Variants in ZNF831 observed in about 807,000 individuals in gnomAD.
The protein encoded by ZNF831 is chromosome 20 open reading frame 174.
ZNF831 carries 59 observed loss-of-function variants against 95.8 expected under a neutral mutation model. The observed-to-expected ratio is 0.62, with a 90% CI of 0.50 to 0.77. ZNF831 has a LOEUF of 0.77. ZNF831 is among the 30% of genes least tolerant of loss of function. The pLI, the probability that ZNF831 is intolerant of heterozygous loss-of-function variation, is 0.00. For missense variants in ZNF831, 2,205 were observed against 2,164.0 expected, an observed-to-expected ratio of 1.02 and a Z score of -0.38; for synonymous variants, 961 against 925.5, an observed-to-expected ratio of 1.04 and a Z score of -0.70.
chr20:59,176,788 T>C (rs189624604), intron 1 of ZNF831, among the ~76,000 whole-genome samples: 2 of 152,350 alleles, frequency 1.3e-5, no homozygotes, highest in East Asian at 3.9e-4. Flanking sequence ...CAGCACTGCA[T>C]CTGTTTGCTA....
At chr20:59,187,785 C>A (rs1297748508) in intron 1 of ZNF831, among the ~76,000 whole-genome samples, 1 of 152,174 alleles carries the variant, frequency 6.6e-6, no homozygotes, top group Non-Finnish European at 1.5e-5. Flanking sequence ...AACGTTGTAC[C>A]CAGTTAAAGC....
chr20:59,190,899 G>T, intron 1 of ZNF831, 85 bp from the exon 2 acceptor site: 1 of 1,206,998 alleles, frequency 8.3e-7, no homozygotes, highest in African/African-American at 1.6e-5. Flanking sequence ...GTTGGGTGAT[G>T]AAGTGCTTGG....
At chr20:59,226,855 C>T (rs1256565071) in intron 4 of ZNF831, among the ~76,000 whole-genome samples, 2 of 151,892 alleles carry the variant, frequency 1.3e-5, no homozygotes, top group Admixed American at 1.3e-4. Context: ...ACTTTCATCC[C>T]AGCTCTTTGA....
chr20:59,133,794 C>G (rs1979418959), intron 1 of ZNF831, among the ~76,000 whole-genome samples: 2 of 152,308 alleles, frequency 1.3e-5, no homozygotes, highest in South Asian at 4.1e-4. Context: ...AAGGACGAGC[C>G]CTGGAGCAAG....
chr20:59,182,602 C>T (rs117234149), intron 1 of ZNF831, among the ~76,000 whole-genome samples: 4 of 152,028 alleles, frequency 2.6e-5, no homozygotes, highest in Non-Finnish European at 5.9e-5. Flanking sequence ...CATCTGCAAC[C>T]GATTGACCAT....
At chr20:59,186,075 C>G (rs921585130) in intron 1 of ZNF831, among the ~76,000 whole-genome samples, 1 of 152,200 alleles carries the variant, frequency 6.6e-6, no homozygotes, top group Admixed American at 6.5e-5. Context: ...CAGGCAGTCC[C>G]GATGCAGGCA....
Position 59,214,742 on chromosome 20 carries a change from G to A in ZNF831, c.4027+7686G>A, listed in dbSNP as rs111808020. Among the ~76,000 whole-genome samples, 983 of 152,304 alleles carry A rather than the reference G, an allele frequency of 6.5e-3. 9 individuals carry two copies. The highest frequency in any genetic ancestry group is 0.037 in the Middle Eastern group (11 of 294). ...TGATGCCACCTAAGCAAAAGCTGCCGAAGATTCTCTGTTGTGGTTACACAA... is the reference window on the plus strand; with the variant it reads ...TGATGCCACCTAAGCAAAAGCTGCCAAAGATTCTCTGTTGTGGTTACACAA... On this transcript the variant is annotated intron_variant, in intron 4 of 5. Coordinates refer to ENST00000371030, the MANE Select transcript of ZNF831 (RefSeq NM_178457.3).
At chr20:59,195,441 C>T (rs576392877) in intron 2 of ZNF831, among the ~76,000 whole-genome samples, 6 of 152,310 alleles carry the variant, frequency 3.9e-5, no homozygotes, top group South Asian at 2.1e-4. Flanking sequence ...GACAAAGGCC[C>T]GGAGACCAGA....
At chr20:59,140,726 G>A (rs1440644393) in intron 1 of ZNF831, among the ~76,000 whole-genome samples, 3 of 152,066 alleles carry the variant, frequency 2.0e-5, no homozygotes, top group Non-Finnish European at 2.9e-5. Flanking sequence ...CCAGCATTTG[G>A]TGTTGTCATT....
chr20:59,155,696 G>A (rs1980499336), intron 2 of ZNF831, among the ~76,000 whole-genome samples: 1 of 152,198 alleles, frequency 6.6e-6, no homozygotes, highest in Non-Finnish European at 1.5e-5. Context: ...AAGGGGCACC[G>A]TATTGTGATG....
intron 1 of ZNF831, among the ~76,000 whole-genome samples, chr20:59,184,408 C>T (rs1039918887): frequency 5.9e-5 from 9 of 152,242 alleles, no homozygotes; most frequent in African/African-American, 1.7e-4. Context: ...CCTCCCTCCC[C>T]CCTTTTTTTT....
In ZNF831 at chr20:59,194,519, C is replaced by A. The variant is rs769280406; in HGVS notation, c.3500C>A (p.Pro1167His). ...TCCCGGAGCCACAGCACCCGCAGTC[C>A]CCACAGCACCCAAAACCCCTTTCCC... is the stretch of plus-strand genomic sequence containing the variant. ...GTSRSHSTRS[P>H]HSTQNPFPSL... Residue 1167 changes from proline (P) to histidine (H), a missense_variant, in exon 2 of 6, where the codon CCC becomes CAC. Coordinates refer to ENST00000371030, the MANE Select transcript of ZNF831 (RefSeq NM_178457.3). 6.2e-7 allele frequency: 1 copy of A among 1,607,954 alleles called. No homozygotes were observed. Among genetic ancestry groups the A allele is most frequent in the African/African-American group, 1.3e-5 (1 of 74,872 alleles).
chr20:59,143,736 A>G (rs755082828), intron 1 of ZNF831, among the ~76,000 whole-genome samples: 4 of 152,174 alleles, frequency 2.6e-5, no homozygotes, highest in Non-Finnish European at 4.4e-5. Flanking sequence ...TCTGAACTTT[A>G]ACTTCACTTT....
chr20:59,199,965 A>G (rs1359911881), intron 3 of ZNF831, among the ~76,000 whole-genome samples: 1 of 152,142 alleles, frequency 6.6e-6, no homozygotes. Context: ...TTGTTGAAAA[A>G]TAGTTTGCTG....
upstream of ZNF831, chr20:59,160,117 C>A (rs937439778): frequency 6.6e-6 from 1 of 152,314 alleles, no homozygotes; most frequent in South Asian, 2.1e-4. Context: ...TCCACAGGAA[C>A]GAAAGACAGG....
intron 4 of ZNF831, among the ~76,000 whole-genome samples, chr20:59,247,103 C>T (rs2146741161): frequency 6.6e-6 from 1 of 152,230 alleles, no homozygotes; most frequent in South Asian, 2.1e-4. Flanking sequence ...TTTAGCATAA[C>T]GTCAGGTATG....
chr20:59,129,239 A>C (rs184938072), intron 1 of ZNF831, among the ~76,000 whole-genome samples: 1 of 151,942 alleles, frequency 6.6e-6, no homozygotes, highest in East Asian at 1.9e-4. Flanking sequence ...ATGTGTGTGC[A>C]TGTGCATGTG....
At chr20:59,124,774 A>C (rs1979115906) in intron 1 of ZNF831, among the ~76,000 whole-genome samples, 1 of 152,176 alleles carries the variant, frequency 6.6e-6, no homozygotes, top group Non-Finnish European at 1.5e-5. Flanking sequence ...GTGTGGAATA[A>C]AATGGCTCTT....
chr20:59,247,503 G>A (rs539064027), intron 4 of ZNF831, among the ~76,000 whole-genome samples: 5 of 152,252 alleles, frequency 3.3e-5, no homozygotes, highest in South Asian at 4.1e-4. Context: ...ACATAGGCTC[G>A]AAAACAGGCT....
Sources: allele counts gnomAD v4.1 joint callset (sites outside exome capture counted in the v4.1 genomes callset), GRCh38; gene constraint gnomAD v4.1.1; transcripts MANE v1.5; gene names NCBI Gene and HGNC (gene_info 2026-07-23, HGNC 2026-07-21).